The following MYBPC1 variants were observed in gnomAD, a reference collection of about 807,000 sequenced individuals.
MYBPC1 encodes the protein myosin binding protein C1.
Under a neutral mutation model 147.1 loss-of-function variants are expected in MYBPC1, and 52 were observed. The observed-to-expected ratio is 0.35, with a 90% CI of 0.28 to 0.45. MYBPC1 has a LOEUF of 0.45. MYBPC1 is among the 20% of genes least tolerant of loss of function. The probability of loss-of-function intolerance (pLI) is 1.00; values close to 1 mark genes in which losing one functional copy is unlikely to be tolerated. For missense variants in MYBPC1, 1,228 were observed against 1,440.3 expected (o/e 0.85, Z 2.39); for synonymous variants, 477 against 475.9 (o/e 1.00, Z -0.03).
chr12:101,618,110 C>T (rs1291956159), intron 3 of MYBPC1, among the ~76,000 whole-genome samples: 1 of 152,196 alleles, frequency 6.6e-6, no homozygotes, highest in Non-Finnish European at 1.5e-5. Context: ...TTTTCCTGGA[C>T]ACTGCTCAAA....
intron 25 of MYBPC1, 43 bp downstream of exon 25, chr12:101,673,665 A>G (rs1030671470): frequency 6.2e-7 from 1 of 1,603,042 alleles, no homozygotes; most frequent in East Asian, 2.2e-5. Context: ...TCAAAGCAGT[A>G]CAGGGATGAA....
intron 4 of MYBPC1, 38 bp downstream of exon 4, chr12:101,626,948 A>G (rs1888750735): frequency 1.9e-6 from 3 of 1,566,176 alleles, no homozygotes; most frequent in Non-Finnish European, 1.8e-6. Flanking sequence ...GCTTTTAAAT[A>G]TATTATTCAT....
chr12:101,619,655 T>C (rs1359132478), intron 3 of MYBPC1, among the ~76,000 whole-genome samples: 4 of 152,230 alleles, frequency 2.6e-5, no homozygotes, highest in Non-Finnish European at 5.9e-5. Flanking sequence ...AATGAGACAC[T>C]GCTGCAGAAC....
At chr12:101,657,066 A>G (rs1017086938) in intron 18 of MYBPC1, among the ~76,000 whole-genome samples, 1 of 152,212 alleles carries the variant, frequency 6.6e-6, no homozygotes, top group African/African-American at 2.4e-5. Flanking sequence ...AAATCAATAC[A>G]TAACAGAAAA....
At chr12:101,598,097 GCA>G (rs1878173120) in intron 1 of MYBPC1, among the ~76,000 whole-genome samples, 2 of 147,260 alleles carry the variant, frequency 1.4e-5, no homozygotes, top group Admixed American at 1.4e-4. Flanking sequence ...TCCGCTCACT[GCA>G]GCCTTTGCCT....
At chr12:101,623,322 G>A (rs1887865315) in intron 3 of MYBPC1, among the ~76,000 whole-genome samples, 1 of 152,222 alleles carries the variant, frequency 6.6e-6, no homozygotes, top group African/African-American at 2.4e-5. Flanking sequence ...CTGGGCGATA[G>A]AGGGAGACTC....
At chr12:101,693,004 T>A in the MYBPC1 span, among the ~76,000 whole-genome samples, 2 of 147,690 alleles carry the variant, frequency 1.4e-5, no homozygotes, top group Admixed American at 1.4e-4. Flanking sequence ...TAGAGTGCAG[T>A]GGCGCGATCT....
chr12:101,679,712 G>A (rs1250078587), intron 28 of MYBPC1, among the ~76,000 whole-genome samples: 1 of 152,090 alleles, frequency 6.6e-6, no homozygotes, highest in African/African-American at 2.4e-5. Flanking sequence ...ATTAAGTAAT[G>A]AGGAGGCAGA....
chr12:101,626,857 T>C lies in MYBPC1; in HGVS notation c.104-15T>C, dbSNP rs775703186. Reference sequence around the variant, plus strand: ...TCTTTTCTCCTTGACTTTTTACTCCTATTTCTTGTTTCAGATGAAGAGGAA... The same window carrying C: ...TCTTTTCTCCTTGACTTTTTACTCCCATTTCTTGTTTCAGATGAAGAGGAA... On this transcript the variant is annotated splice_polypyrimidine_tract_variant and intron_variant, in intron 3 of 31. Transcript: ENST00000361466. 3.0e-5 allele frequency: 48 copies of C among 1,609,106 alleles called. No individual in the cohort carries two copies. The highest frequency in any genetic ancestry group is 3.7e-5 in the Non-Finnish European group (44 of 1,175,488).
chr12:101,673,612 C>G lies in MYBPC1; in HGVS notation c.2799C>G (p.Ile933Met). 1 of 1,614,144 alleles carries G rather than the reference C, an allele frequency of 6.2e-7. No individual in the cohort carries two copies. Among genetic ancestry groups the G allele is most frequent in the Non-Finnish European group, 8.5e-7 (1 of 1,179,998 alleles). The change falls in exon 25 of 32, where the codon ATC becomes ATG. Residue 933 changes from isoleucine to methionine, a missense_variant. Coordinates refer to ENST00000361466, the MANE Select transcript of MYBPC1 (RefSeq NM_002465.4). ...DKFVETASIDIQIIDRPGPPQ... is the reference protein window; with the variant it reads ...DKFVETASIDMQIIDRPGPPQ... ...TCGTGGAGACCGCATCAATTGACAT[C>G]CAGATCATTGGTAGGTTTAGATGAA...
At chr12:101,625,363 T>A (rs1366585236) in intron 3 of MYBPC1, among the ~76,000 whole-genome samples, 2 of 152,232 alleles carry the variant, frequency 1.3e-5, no homozygotes, top group Non-Finnish European at 2.9e-5. Context: ...TTATTCTAAC[T>A]GGACTGCACT....
At chr12:101,610,975 C>G (rs997884921) in intron 1 of MYBPC1, among the ~76,000 whole-genome samples, 3 of 152,144 alleles carry the variant, frequency 2.0e-5, no homozygotes, top group Admixed American at 6.5e-5. Flanking sequence ...AATCATAGTA[C>G]TGATTTCACA....
Position 101,595,039 on chromosome 12 carries a change from G to T in MYBPC1, c.-32G>T. 1 of 1,609,442 alleles carries T rather than the reference G, an allele frequency of 6.2e-7. No homozygotes were observed. Among genetic ancestry groups the T allele is most frequent in the East Asian group, 2.2e-5 (1 of 44,816 alleles). ...TGTCAACTAGTCGTGGAGGGAAGGAGACTCTTTAAAGAATAACATCTTATT... is the reference window on the plus strand; with the variant it reads ...TGTCAACTAGTCGTGGAGGGAAGGATACTCTTTAAAGAATAACATCTTATT... On this transcript the variant is annotated 5_prime_UTR_variant, in exon 1 of 32. Transcript: ENST00000361466.
At chr12:101,669,058 G>A (rs1898034422) in intron 23 of MYBPC1, among the ~76,000 whole-genome samples, 1 of 152,180 alleles carries the variant, frequency 6.6e-6, no homozygotes, top group South Asian at 2.1e-4. Context: ...CTGCACTTCA[G>A]CCTGGGTGAC....
intron 1 of MYBPC1, among the ~76,000 whole-genome samples, chr12:101,603,019 G>T (rs1266020053): frequency 6.6e-6 from 1 of 151,684 alleles, no homozygotes; most frequent in Non-Finnish European, 1.5e-5. Flanking sequence ...TGTCTCCAAG[G>T]GTTATAAGTC....
At chr12:101,694,556 A>C in the MYBPC1 span, among the ~76,000 whole-genome samples, 1 of 152,188 alleles carries the variant, frequency 6.6e-6, no homozygotes, top group African/African-American at 2.4e-5. Flanking sequence ...GACACCAGAG[A>C]GCTTCCTCTC....
rs767100182 is a variant in MYBPC1, at chr12:101,629,444, T to G, written c.189T>G (p.Leu63=). The G allele has an allele frequency of 1.5e-5, 24 of 1,611,172 alleles. No homozygotes were observed. Among genetic ancestry groups the G allele is most frequent in the Non-Finnish European group, 2.0e-5 (23 of 1,177,536 alleles). Residue 63 remains leucine (L), a synonymous_variant, in exon 6 of 32, where the codon CTT becomes CTG. Transcript: ENST00000361466. ...CTTTCTGCTCATCAGACTGGACCCT[T>G]GTCGAAACTCCTCCTGGGGAGGAAC... is the stretch of plus-strand genomic sequence containing the variant. ...ALERKDSDWT[L]VETPPGEEQA... is the part of the protein sequence containing the mutation.
chr12:101,623,839 A>G (rs551191126), intron 3 of MYBPC1, among the ~76,000 whole-genome samples: 154 of 152,346 alleles, frequency 1.0e-3, no homozygotes, highest in African/African-American at 3.6e-3. Context: ...TTCGTTTTGA[A>G]CATGTAAAAT....
intron 3 of MYBPC1, among the ~76,000 whole-genome samples, chr12:101,624,683 A>ATT (rs57175970): frequency 0.1 from 10,332 of 98,960 alleles, 797 homozygotes; most frequent in African/African-American, 0.12. Flanking sequence ...CGGCTAATTA[A>ATT]TTTTTTTTTT....
Sources: gnomAD v4.1 joint callset for allele counts (sites outside exome capture counted in the v4.1 genomes callset) on GRCh38, gnomAD v4.1.1 for gene constraint, MANE v1.5 for transcripts, NCBI Gene and HGNC (gene_info 2026-07-23, HGNC 2026-07-21) for gene names.